ASAP1: variants seen among roughly 807,000 people sequenced by gnomAD.
ASAP1 encodes the protein ArfGAP with SH3 domain, ankyrin repeat and PH domain 1.
In ASAP1, 43 loss-of-function variants were observed where a neutral mutation model predicts 145.2. The observed-to-expected ratio is 0.30, with a 90% CI of 0.23 to 0.38. The LOEUF is 0.38. ASAP1 is among the 10% of genes least tolerant of loss of function. The pLI is 1.00. For missense variants in ASAP1, 1,018 were observed against 1,355.3 expected, an observed-to-expected ratio of 0.75 and a Z score of 3.91; for synonymous variants, 546 against 515.5, an observed-to-expected ratio of 1.06 and a Z score of -0.80.
chr8:130,300,402 T>A (rs948319995), intron 3 of ASAP1, among the ~76,000 whole-genome samples: 21 of 152,216 alleles, frequency 1.4e-4, no homozygotes, highest in African/African-American at 4.8e-4. Flanking sequence ...TTTTTTAATT[T>A]TTTCAAGGTA....
At chr8:130,430,900 A>G (rs1830113412) in intron 1 of ASAP1, among the ~76,000 whole-genome samples, 1 of 152,212 alleles carries the variant, frequency 6.6e-6, no homozygotes, top group Non-Finnish European at 1.5e-5. Context: ...GTTCCACTTA[A>G]GGAGCAGCCA....
At chr8:130,341,814 A>G (rs1256284547) in intron 3 of ASAP1, among the ~76,000 whole-genome samples, 2 of 152,214 alleles carry the variant, frequency 1.3e-5, no homozygotes, top group Non-Finnish European at 2.9e-5. Context: ...AAAAGCATTT[A>G]TTTATATAAT....
At chr8:130,329,360 TTTTCA>T (rs1285417673) in intron 3 of ASAP1, among the ~76,000 whole-genome samples, 1 of 152,256 alleles carries the variant, frequency 6.6e-6, no homozygotes, top group African/African-American at 2.4e-5. Flanking sequence ...GGCTTGGCTC[TTTTCA>T]TTTAAGACTG....
chr8:130,394,439 T>G (rs544421433), intron 2 of ASAP1, among the ~76,000 whole-genome samples: 6 of 152,158 alleles, frequency 3.9e-5, no homozygotes. Context: ...TCAGACCGGT[T>G]GCTCTCAAAC....
At chr8:130,285,657 G>C (rs1247244980) in intron 3 of ASAP1, among the ~76,000 whole-genome samples, 2 of 152,180 alleles carry the variant, frequency 1.3e-5, no homozygotes. Context: ...AAAGCTCTGG[G>C]AAAGCATCCA....
chr8:130,089,495 C>T (rs373295293), intron 25 of ASAP1, among the ~76,000 whole-genome samples: 4 of 152,104 alleles, frequency 2.6e-5, no homozygotes, highest in Non-Finnish European at 4.4e-5. Flanking sequence ...AACATAAGAG[C>T]GTTGGAAAGG....
chr8:130,289,768 T>C (rs571833688), intron 3 of ASAP1, among the ~76,000 whole-genome samples: 1 of 152,248 alleles, frequency 6.6e-6, no homozygotes, highest in Non-Finnish European at 1.5e-5. Flanking sequence ...TTAGAATTCA[T>C]ACTTTTGTAG....
intron 24 of ASAP1, among the ~76,000 whole-genome samples, chr8:130,111,210 CAAAAAA>C (rs768575084): frequency 1.4e-4 from 6 of 41,700 alleles, no homozygotes; most frequent in Admixed American, 3.5e-4. Context: ...TCATCTCTAC[CAAAAAA>C]AAAAAAAAAA....
chr8:130,197,484 G>A (rs1815578442), intron 5 of ASAP1, among the ~76,000 whole-genome samples: 1 of 152,168 alleles, frequency 6.6e-6, no homozygotes, highest in Admixed American at 6.5e-5. Context: ...CACCAATGAA[G>A]CTCCACTTTA....
In ASAP1 at chr8:130,215,731, G is replaced by A. The variant is rs533454982; in HGVS notation, c.260-1030C>T. 5.3e-5 allele frequency among the ~76,000 whole-genome samples: 8 copies of A among 152,124 alleles called. No homozygotes were observed. In the East Asian group the frequency reaches 1.4e-3, roughly 26 times the overall value. ...TGCACTCCAGCCTGAGCAACAGAGT[G>A]AGACTCTGTCTCAAAACAACAACAA... On this transcript the variant is annotated intron_variant, in intron 4 of 29. Coordinates refer to ENST00000518721, the MANE Select transcript of ASAP1 (RefSeq NM_018482.4).
intron 1 of ASAP1, among the ~76,000 whole-genome samples, chr8:130,418,265 T>G (rs1406691196): frequency 6.6e-6 from 1 of 152,176 alleles, no homozygotes; most frequent in Admixed American, 6.5e-5. Context: ...AGTATACAAT[T>G]CAGGCCCGGC....
At chr8:130,133,994 A>G (rs1001176306) in intron 15 of ASAP1, among the ~76,000 whole-genome samples, 2 of 152,224 alleles carry the variant, frequency 1.3e-5, no homozygotes, top group Admixed American at 6.5e-5. Context: ...AGGGCTGCAG[A>G]CATGCACCAC....
At chr8:130,435,835 G>GGT (rs571620456) in intron 1 of ASAP1, among the ~76,000 whole-genome samples, 141 of 152,304 alleles carry the variant, frequency 9.3e-4, no homozygotes, top group Non-Finnish European at 1.8e-3. Flanking sequence ...AAAGCCTCTG[G>GGT]GTGTGACTGT....
At chr8:130,197,681 C>A (rs1815595084) in intron 5 of ASAP1, among the ~76,000 whole-genome samples, 1 of 152,220 alleles carries the variant, frequency 6.6e-6, no homozygotes, top group Non-Finnish European at 1.5e-5. Context: ...CTTAAGCACA[C>A]CCTTAGAATG....
intron 25 of ASAP1, among the ~76,000 whole-genome samples, chr8:130,091,194 A>T (rs2097504729): frequency 6.6e-6 from 1 of 152,214 alleles, no homozygotes; most frequent in Admixed American, 6.5e-5. Context: ...GTTCCAGTAA[A>T]CACTGGTGAG....
At chr8:130,118,104 T>C (rs1256415016) in intron 20 of ASAP1, 57 bp downstream of exon 20, 2 of 1,447,452 alleles carry the variant, frequency 1.4e-6, no homozygotes, top group Non-Finnish European at 1.9e-6. Flanking sequence ...TAGGACTGGT[T>C]TGTGTTAATT....
intron 3 of ASAP1, among the ~76,000 whole-genome samples, chr8:130,324,299 A>T (rs1824195280): frequency 6.6e-6 from 1 of 152,220 alleles, no homozygotes; most frequent in Non-Finnish European, 1.5e-5. Flanking sequence ...ATGAAATGAG[A>T]AGGTAAACAT....
chr8:130,281,594 T>TG (rs1331943585), intron 3 of ASAP1, among the ~76,000 whole-genome samples: 4 of 152,124 alleles, frequency 2.6e-5, no homozygotes, highest in East Asian at 1.9e-4. Context: ...ATAGTTTTTT[T>TG]GGGGGGGTTA....
At chr8:130,443,165 C>G (rs1009295291) in intron 1 of ASAP1, among the ~76,000 whole-genome samples, 3 of 152,046 alleles carry the variant, frequency 2.0e-5, no homozygotes, top group African/African-American at 7.2e-5. Context: ...GGGCCCCGTC[C>G]CCGGCCCCAC....
Sources: gnomAD v4.1 joint callset for allele counts (sites outside exome capture counted in the v4.1 genomes callset) on GRCh38, gnomAD v4.1.1 for gene constraint, MANE v1.5 for transcripts, NCBI Gene and HGNC (gene_info 2026-07-23, HGNC 2026-07-21) for gene names.